Variants in PPP1R9A observed in about 807,000 individuals in gnomAD.
PPP1R9A encodes neurabin-1.
A neutral mutation model predicts 141.9 loss-of-function variants in PPP1R9A; 59 were observed. The ratio of observed to expected loss-of-function variants is 0.42; its 90% confidence interval spans 0.34 to 0.52. PPP1R9A has a LOEUF of 0.52. PPP1R9A is among the 20% of genes least tolerant of loss of function. The pLI is 0.10. For synonymous variants in PPP1R9A, 500 were observed against 569.7 expected (o/e 0.88, Z 1.74); for missense variants, 1,444 against 1,611.9 (o/e 0.90, Z 1.78).
rs1408178894 is a variant in PPP1R9A, at chr7:94,910,656, C to T, written c.543C>T (p.Asn181=). The T allele has an allele frequency of 6.2e-7, 1 of 1,614,036 alleles. No homozygotes were observed. The highest frequency in any genetic ancestry group is 1.3e-5 in the African/African-American group (1 of 74,898). ...PQDEWGGSKS[N]RGSTDSLDSL... ...ATGAATGGGGAGGTTCCAAGTCCAACAGAGGCAGTACTGATTCCTTGGACA... is the reference window on the plus strand; with the variant it reads ...ATGAATGGGGAGGTTCCAAGTCCAATAGAGGCAGTACTGATTCCTTGGACA... Residue 181 remains asparagine, a synonymous_variant, in exon 2 of 20, where the codon AAC becomes AAT. Transcript: ENST00000433360. The surrounding 1 kb of genome is among the most constrained non-coding windows in gnomAD (Gnocchi z 4.5).
intron 2 of PPP1R9A, among the ~76,000 whole-genome samples, chr7:95,108,317 T>C (rs1237530691): frequency 8.0e-5 from 10 of 124,280 alleles, no homozygotes; most frequent in Admixed American, 4.0e-4. Context: ...CTTTTTTTTT[T>C]TTTTTTTTTT....
intron 2 of PPP1R9A, among the ~76,000 whole-genome samples, chr7:95,019,537 G>A (rs1342620501): frequency 4.6e-5 from 7 of 152,056 alleles, no homozygotes; most frequent in Non-Finnish European, 8.8e-5. Context: ...AATATATAAA[G>A]TACTCTTTCC....
At chr7:95,267,303 C>T (rs1801451950) in intron 12 of PPP1R9A, among the ~76,000 whole-genome samples, 1 of 152,104 alleles carries the variant, frequency 6.6e-6, no homozygotes, top group South Asian at 2.1e-4. Context: ...TCTGTTAATA[C>T]AAGTACATAA....
chr7:95,081,787 G>T (rs188036732), intron 2 of PPP1R9A, among the ~76,000 whole-genome samples: 2 of 152,148 alleles, frequency 1.3e-5, no homozygotes, highest in African/African-American at 2.4e-5. Flanking sequence ...CCAAAGTCTT[G>T]CTACAATTAT....
intron 7 of PPP1R9A, among the ~76,000 whole-genome samples, chr7:95,211,240 G>GT: frequency 6.6e-6 from 1 of 152,090 alleles, no homozygotes; most frequent in Non-Finnish European, 1.5e-5. Context: ...AGTTTGAGAT[G>GT]GGTCAACTTG....
rs1806969253 is a variant in PPP1R9A, at chr7:95,295,398, T to A, written c.*5095T>A. The A allele has an allele frequency of 6.6e-6, 1 of 152,658 alleles. No homozygotes were observed. Among genetic ancestry groups the A allele is most frequent in the Admixed American group, 6.5e-5 (1 of 15,288 alleles). 9.5% of individuals were successfully genotyped at this position (152,658 alleles called of 1,614,324 possible). A position where few individuals can be genotyped will look rare whatever the true frequency, so the allele number is the denominator to read the frequency against. ...CTCAAATATTTGGCTAATGCTTTGA[T>A]GTCAAGATTGCATATTGCTGAGTTG... On this transcript the variant is annotated 3_prime_UTR_variant, in exon 20 of 20. Transcript: ENST00000433360.
intron 2 of PPP1R9A, among the ~76,000 whole-genome samples, chr7:94,930,412 ACTGCAACCT>A (rs1362568196): frequency 1.3e-5 from 2 of 152,172 alleles, no homozygotes; most frequent in Non-Finnish European, 1.5e-5. Context: ...ATCTGAGCTC[ACTGCAACCT>A]CTGCCTCCCA....
chr7:94,966,084 G>A (rs1798180358), intron 2 of PPP1R9A, among the ~76,000 whole-genome samples: 1 of 150,952 alleles, frequency 6.6e-6, no homozygotes, highest in Non-Finnish European at 1.5e-5. Flanking sequence ...TGTAGCAATT[G>A]TGAATGTGAG....
Position 95,284,234 on chromosome 7 carries a change from T to C in PPP1R9A, c.3513T>C (p.Ile1171=). ...KKGSKVENTW[I]TKANKRNPNP... is the part of the protein sequence containing the mutation. ...GGTCCAAGGTAGAAAACACATGGAT[T>C]ACAAAAGCAAACAAGAGAAACCCAA... is the stretch of plus-strand genomic sequence containing the variant. The change falls in exon 17 of 20, where the codon ATT becomes ATC. Residue 1171 remains isoleucine (I), a synonymous_variant. Transcript: ENST00000433360. The C allele has an allele frequency of 6.4e-7, 1 of 1,568,316 alleles. No individual in the cohort carries two copies. The highest frequency in any genetic ancestry group is 1.1e-5 in the South Asian group (1 of 90,462).
intron 2 of PPP1R9A, among the ~76,000 whole-genome samples, chr7:95,049,447 A>G (rs986127034): frequency 3.3e-5 from 5 of 152,232 alleles, no homozygotes; most frequent in East Asian, 1.9e-4. Flanking sequence ...CTCCATACAT[A>G]CCCTGGCTCC....
At chr7:95,211,053 C>G (rs183844540) in intron 7 of PPP1R9A, among the ~76,000 whole-genome samples, 1 of 151,428 alleles carries the variant, frequency 6.6e-6, no homozygotes, top group Non-Finnish European at 1.5e-5. Context: ...TGTAGATGAC[C>G]GGTTGATGGG....
chr7:95,001,224 A>T (rs1802875078), intron 2 of PPP1R9A, among the ~76,000 whole-genome samples: 1 of 152,168 alleles, frequency 6.6e-6, no homozygotes, highest in Non-Finnish European at 1.5e-5. Flanking sequence ...ATAAATAAGG[A>T]CTTGGCTTGC....
At chr7:94,982,771 AG>A (rs1412199517) in intron 2 of PPP1R9A, among the ~76,000 whole-genome samples, 3 of 152,136 alleles carry the variant, frequency 2.0e-5, no homozygotes, top group African/African-American at 7.2e-5. Context: ...CCCATTCTGT[AG>A]GTTGCCTGTT....
chr7:95,070,407 A>G (rs1388609319), intron 2 of PPP1R9A, among the ~76,000 whole-genome samples: 1 of 151,876 alleles, frequency 6.6e-6, no homozygotes, highest in Non-Finnish European at 1.5e-5. Flanking sequence ...GATCACCATG[A>G]CCTTGTAATA....
At position 94,998,358 on chromosome 7, in the gene PPP1R9A, C is replaced by T. The variant is rs1266943799; in HGVS notation, c.1395+86850C>T. Among the ~76,000 whole-genome samples, 3 of 152,168 alleles carry T rather than the reference C, an allele frequency of 2.0e-5. No individual in the cohort carries two copies. The South Asian group carries it at 6.2e-4, about 31-fold the overall frequency. On this transcript the variant is annotated intron_variant, in intron 2 of 19. Coordinates refer to ENST00000433360, the MANE Select transcript of PPP1R9A (RefSeq NM_001166160.2). ...TGAACTATTTACCCCTCTCATTTTA[C>T]AGGAGGAAACTAACTTCTAGAAGGG...
intron 2 of PPP1R9A, among the ~76,000 whole-genome samples, chr7:94,988,069 A>G (rs1362885572): frequency 1.1e-4 from 17 of 152,116 alleles, no homozygotes; most frequent in Non-Finnish European, 7.4e-5. Flanking sequence ...TACCCTGGAC[A>G]CTTGTGGGCT....
chr7:94,955,112 A>G (rs1040250650), intron 2 of PPP1R9A, among the ~76,000 whole-genome samples: 1 of 151,804 alleles, frequency 6.6e-6, no homozygotes, highest in Non-Finnish European at 1.5e-5. Flanking sequence ...CTGTTTATTC[A>G]TGTATCATAG....
At chr7:95,269,965 A>T (rs375942271) in intron 14 of PPP1R9A, among the ~76,000 whole-genome samples, 1 of 152,240 alleles carries the variant, frequency 6.6e-6, no homozygotes, top group East Asian at 1.9e-4. Context: ...TTCTTGGATG[A>T]ATTGCTAATA....
rs555249490 is a variant in PPP1R9A, at chr7:95,293,715, A to C, written c.*3412A>C. On this transcript the variant is annotated 3_prime_UTR_variant, in exon 20 of 20. Transcript: ENST00000433360. Reference sequence around the variant, plus strand: ...TACAAAAATGGTCACAGGTGGTTTGATCTAGCACCTCGGCCGTTAGAGTTT... The same window carrying C: ...TACAAAAATGGTCACAGGTGGTTTGCTCTAGCACCTCGGCCGTTAGAGTTT... 3.9e-5 allele frequency: 6 copies of C among 152,336 alleles called. No individual in the cohort carries two copies. The South Asian group carries it at 1.2e-3, about 32-fold the overall frequency. The allele number at this position is 152,336 out of a possible 1,614,324, so 9.4% of individuals were successfully genotyped here. A position where few individuals can be genotyped will look rare whatever the true frequency, so the allele number is the denominator to read the frequency against.
Sources: allele counts gnomAD v4.1 joint callset (sites outside exome capture counted in the v4.1 genomes callset), GRCh38; gene constraint gnomAD v4.1.1; non-coding constraint Gnocchi (gnomAD v3.1); transcripts MANE v1.5; gene names NCBI Gene and HGNC (gene_info 2026-07-23, HGNC 2026-07-21).